Variants in FHIT observed in about 807,000 individuals in gnomAD.
FHIT encodes bis(5'-adenosyl)-triphosphatase.
Under a neutral mutation model 17.9 loss-of-function variants are expected in FHIT, and 19 were observed. The observed-to-expected ratio is 1.06, with a 90% CI of 0.74 to 1.56. FHIT has a LOEUF of 1.56. FHIT is among the 40% of genes most tolerant of loss of function. FHIT has a pLI of 0.00. For synonymous variants in FHIT, 81 were observed against 69.7 expected, an observed-to-expected ratio of 1.16 and a Z score of -0.81; for missense variants, 248 against 189.2, an observed-to-expected ratio of 1.31 and a Z score of -1.82.
chr3:59,932,708 G>A (rs982768299), intron 7 of FHIT, among the ~76,000 whole-genome samples: 5 of 151,896 alleles, frequency 3.3e-5, no homozygotes, highest in Admixed American at 1.3e-4. Context: ...AGAACAAAAT[G>A]AGAAATCTTC....
intron 8 of FHIT, among the ~76,000 whole-genome samples, chr3:59,761,019 C>T (rs1278784550): frequency 6.6e-6 from 1 of 152,134 alleles, no homozygotes; most frequent in African/African-American, 2.4e-5. Context: ...AGCTGAAGAA[C>T]AGGAGCCTGG....
chr3:60,243,042 T>G (rs879711561), intron 5 of FHIT, among the ~76,000 whole-genome samples: 2 of 151,108 alleles, frequency 1.3e-5, no homozygotes, highest in Non-Finnish European at 1.5e-5. Flanking sequence ...ATCAGTGTGA[T>G]GTCAATATTC....
chr3:61,101,344 C>G (rs1228760970), intron 2 of FHIT, among the ~76,000 whole-genome samples: 2 of 152,102 alleles, frequency 1.3e-5, no homozygotes, highest in East Asian at 3.9e-4. Flanking sequence ...TTGATTTTGT[C>G]AGGTGTGTCA....
intron 8 of FHIT, among the ~76,000 whole-genome samples, chr3:59,840,254 A>G (rs1297651670): frequency 6.6e-6 from 1 of 152,084 alleles, no homozygotes; most frequent in Admixed American, 6.6e-5. Flanking sequence ...TTATAAGATA[A>G]TGTCTTATTT....
Position 61,085,547 on chromosome 3 carries a change from T to C in FHIT, c.-163-43448A>G, listed in dbSNP as rs138612875. Among the ~76,000 whole-genome samples the C allele has an allele frequency of 7.2e-3, 1,102 of 152,254 alleles. 17 individuals carry two copies. Among genetic ancestry groups the C allele is most frequent in the African/African-American group, 0.025 (1,042 of 41,588 alleles). ...TGCTTTATCAGATATGATTTGCAAA[T>C]ATCTCATCCCATTCTGTGGTTTGTC... On this transcript the variant is annotated intron_variant, in intron 2 of 9. Coordinates refer to ENST00000492590, the MANE Select transcript of FHIT (RefSeq NM_002012.4).
chr3:60,748,817 A>G (rs2042409915), intron 4 of FHIT, among the ~76,000 whole-genome samples: 1 of 152,308 alleles, frequency 6.6e-6, no homozygotes, highest in East Asian at 1.9e-4. Flanking sequence ...TCTCAAAACA[A>G]CAACAACAAA....
intron 3 of FHIT, among the ~76,000 whole-genome samples, chr3:60,981,599 C>T (rs193023998): frequency 6.6e-5 from 10 of 152,250 alleles, no homozygotes; most frequent in East Asian, 5.8e-4. Flanking sequence ...GCGTAAGCCA[C>T]GGTGCCCAGC....
At chr3:61,003,449 T>A (rs957813855) in intron 3 of FHIT, among the ~76,000 whole-genome samples, 2 of 152,200 alleles carry the variant, frequency 1.3e-5, no homozygotes, top group African/African-American at 4.8e-5. Context: ...TACTGAAACA[T>A]TAGTGATGAA....
chr3:60,237,335 T>C (rs1704856478), intron 5 of FHIT, among the ~76,000 whole-genome samples: 1 of 142,572 alleles, frequency 7.0e-6, no homozygotes, highest in Non-Finnish European at 1.5e-5. Context: ...AGTTGAGAAA[T>C]GCCCATATTT....
chr3:60,563,464 G>A (rs1201516878), intron 4 of FHIT, among the ~76,000 whole-genome samples: 1 of 152,150 alleles, frequency 6.6e-6, no homozygotes, highest in Non-Finnish European at 1.5e-5. Context: ...AAATCAAAAA[G>A]TAGAAACGAT....
rs1051930436 is a variant in FHIT at position 60,417,928 on chromosome 3, C to T, written c.103+118932G>A. On this transcript the variant is annotated intron_variant, in intron 5 of 9. Coordinates refer to ENST00000492590, the MANE Select transcript of FHIT (RefSeq NM_002012.4). ...CCAAACATGGCCGAAATCTCCCGAGCATTTTATGAACTCCCATGTCATCAA... is the reference window on the plus strand; with the variant it reads ...CCAAACATGGCCGAAATCTCCCGAGTATTTTATGAACTCCCATGTCATCAA... 2.6e-5 allele frequency among the ~76,000 whole-genome samples: 4 copies of T among 152,286 alleles called. No homozygotes were observed. The East Asian group carries it at 7.7e-4, about 29-fold the overall frequency.
At chr3:60,258,808 G>T (rs6771240) in intron 5 of FHIT, among the ~76,000 whole-genome samples, 54,817 of 151,844 alleles carry the variant, frequency 0.36, 12,127 homozygotes, top group East Asian at 0.7. Flanking sequence ...GAAAAAATAT[G>T]ATCTAATGGT....
chr3:59,773,939 A>G (rs1418333749), intron 8 of FHIT, among the ~76,000 whole-genome samples: 1 of 152,222 alleles, frequency 6.6e-6, no homozygotes, highest in African/African-American at 2.4e-5. Context: ...AAAATATCTC[A>G]TTAATAATTA....
chr3:60,229,815 AAAAGGACTTTTTT>A (rs1403661149), intron 5 of FHIT, among the ~76,000 whole-genome samples: 8 of 152,120 alleles, frequency 5.3e-5, no homozygotes, highest in Admixed American at 4.6e-4. Flanking sequence ...CCATATCTCT[AAAAGGACTTTTTT>A]AAAGTTAGCC....
At position 60,618,902 on chromosome 3, in the gene FHIT, G is replaced by T. The variant is rs543460647; in HGVS notation, c.-17-81923C>A. On this transcript the variant is annotated intron_variant, in intron 4 of 9. Transcript: ENST00000492590. ...GGACCATAAGCCAAAGAATGCAGGG[G>T]GCCACAAAGAAAACTGAAAAGCCAA... Among the ~76,000 whole-genome samples, 17 of 152,148 alleles carry T rather than the reference G, an allele frequency of 1.1e-4. No homozygotes were observed. In the South Asian group the frequency reaches 1.2e-3, roughly 11 times the overall value.
intron 2 of FHIT, among the ~76,000 whole-genome samples, chr3:61,172,256 A>G (rs2038027715): frequency 6.6e-6 from 1 of 152,230 alleles, no homozygotes; most frequent in South Asian, 2.1e-4. Context: ...TAAAGACATT[A>G]AAAATAACAA....
chr3:61,139,991 G>A lies in FHIT; in HGVS notation c.-164+60626C>T, dbSNP rs80114359. ...ACTCATCATCATCTATGAGGATAACGACTTTTAACAGCTGTCCATGCAAGA... is the reference window on the plus strand; with the variant it reads ...ACTCATCATCATCTATGAGGATAACAACTTTTAACAGCTGTCCATGCAAGA... On this transcript the variant is annotated intron_variant, in intron 2 of 9. Transcript: ENST00000492590. Among the ~76,000 whole-genome samples, 403 of 145,832 alleles carry A rather than the reference G, an allele frequency of 2.8e-3. 3 individuals carry two copies. The highest frequency in any genetic ancestry group is 0.011 in the Middle Eastern group (3 of 272).
intron 3 of FHIT, among the ~76,000 whole-genome samples, chr3:60,911,740 T>C (rs530576239): frequency 3.2e-4 from 49 of 152,320 alleles, no homozygotes; most frequent in Middle Eastern, 3.4e-3. Context: ...AAGTATTTTA[T>C]GCTGCTCTGA....
At chr3:60,694,836 T>C (rs1553700247) in intron 4 of FHIT, among the ~76,000 whole-genome samples, 1 of 152,010 alleles carries the variant, frequency 6.6e-6, no homozygotes, top group East Asian at 1.9e-4. Flanking sequence ...ACACCACATG[T>C]TCTCACTCAC....
Sources: gnomAD v4.1 joint callset for allele counts (sites outside exome capture counted in the v4.1 genomes callset) on GRCh38, gnomAD v4.1.1 for gene constraint, MANE v1.5 for transcripts, NCBI Gene and HGNC (gene_info 2026-07-23, HGNC 2026-07-21) for gene names.